The following CBLB variants were observed in gnomAD, a reference collection of about 807,000 sequenced individuals.
The protein encoded by CBLB is Cbl proto-oncogene B.
CBLB carries 31 observed loss-of-function variants against 104.9 expected under a neutral mutation model. The observed-to-expected ratio is 0.30, with a 90% CI of 0.22 to 0.40. The LOEUF (loss-of-function observed/expected upper bound fraction) is 0.40, where lower values mean the gene tolerates loss of function less well. CBLB is among the 10% of genes least tolerant of loss of function. The pLI is 1.00. For synonymous variants in CBLB, 440 were observed against 422.6 expected, an observed-to-expected ratio of 1.04 and a Z score of -0.51; for missense variants, 1,062 against 1,214.6, an observed-to-expected ratio of 0.87 and a Z score of 1.87.
upstream of CBLB, chr3:105,869,301 A>C: frequency 9.2e-7 from 1 of 1,085,288 alleles, no homozygotes; most frequent in Non-Finnish European, 1.3e-6. Context: ...CGGGAAAGGA[A>C]ATGGACGAAG....
intron 3 of CBLB, among the ~76,000 whole-genome samples, chr3:105,805,006 T>C (rs1256044800): frequency 6.6e-6 from 1 of 152,162 alleles, no homozygotes; most frequent in African/African-American, 2.4e-5. Context: ...ACCACAGTAG[T>C]TGCTGTTTGA....
chr3:105,658,242 T>TAA lies in CBLB; in HGVS notation c.*726_*727dup. The TAA allele has an allele frequency of 4.6e-6, 1 of 217,456 alleles. No homozygotes were observed. Among genetic ancestry groups the TAA allele is most frequent in the Middle Eastern group, 1.5e-3 (1 of 676 alleles). 13.5% of individuals were successfully genotyped at this position (217,456 alleles called of 1,614,324 possible). A position where few individuals can be genotyped will look rare whatever the true frequency, so the allele number is the denominator to read the frequency against. ...ATGGAGGATTAAAGGTTACAAAACT[T>TAA]AAACAAAAAAGGGAAGCTCCTCTAT... On this transcript the variant is annotated 3_prime_UTR_variant, in exon 19 of 19. Coordinates refer to ENST00000394030, the MANE Select transcript of CBLB (RefSeq NM_170662.5).
intron 4 of CBLB, among the ~76,000 whole-genome samples, chr3:105,769,005 T>C (rs6773661): frequency 0.25 from 38,616 of 152,128 alleles, 5,135 homozygotes; most frequent in Non-Finnish European, 0.28. Context: ...TATGCAATTA[T>C]TCATGTAGTC....
At chr3:105,845,269 A>T (rs1190528314) in intron 3 of CBLB, among the ~76,000 whole-genome samples, 1 of 151,942 alleles carries the variant, frequency 6.6e-6, no homozygotes, top group African/African-American at 2.4e-5. Flanking sequence ...TCCAAATATC[A>T]TATGTGCATA....
At chr3:105,755,016 CTTTTTTTT>C (rs67405809) in intron 4 of CBLB, among the ~76,000 whole-genome samples, 12 of 143,894 alleles carry the variant, frequency 8.3e-5, no homozygotes, top group East Asian at 2.2e-4. Context: ...AGTATCTTTT[CTTTTTTTT>C]TTTTTTTTTT....
chr3:105,761,031 T>C (rs1365888777), intron 4 of CBLB, among the ~76,000 whole-genome samples: 1 of 152,162 alleles, frequency 6.6e-6, no homozygotes, highest in African/African-American at 2.4e-5. Context: ...TTGTTTTTGT[T>C]TTTCATTTCA....
intron 3 of CBLB, among the ~76,000 whole-genome samples, chr3:105,791,476 T>C (rs1448344415): frequency 1.3e-5 from 2 of 151,630 alleles, no homozygotes; most frequent in African/African-American, 4.9e-5. Flanking sequence ...TGAGCGAATA[T>C]GGCAAACTCA....
intron 5 of CBLB, among the ~76,000 whole-genome samples, chr3:105,748,627 T>G (rs1576845083): frequency 6.6e-6 from 1 of 152,018 alleles, no homozygotes; most frequent in Admixed American, 6.6e-5. Flanking sequence ...CTAAGTGACT[T>G]TGAGAGAAAA....
chr3:105,810,349 T>C (rs1205158140), intron 3 of CBLB, among the ~76,000 whole-genome samples: 1 of 152,174 alleles, frequency 6.6e-6, no homozygotes, highest in African/African-American at 2.4e-5. Flanking sequence ...TGGTAAAAAA[T>C]TAAAATACCT....
intron 8 of CBLB, among the ~76,000 whole-genome samples, chr3:105,736,946 T>C (rs2075016493): frequency 1.3e-5 from 2 of 152,080 alleles, no homozygotes; most frequent in African/African-American, 2.4e-5. Flanking sequence ...ATTTCCCCCA[T>C]ATAAATGCCA....
intron 17 of CBLB, among the ~76,000 whole-genome samples, chr3:105,676,176 C>A (rs1475693158): frequency 6.6e-6 from 1 of 151,566 alleles, no homozygotes; most frequent in African/African-American, 2.4e-5. Context: ...GGCAGCCAAG[C>A]AAACACAAAA....
chr3:105,660,963 CTTCT>C (rs1474058836), intron 18 of CBLB, among the ~76,000 whole-genome samples: 4 of 128,976 alleles, frequency 3.1e-5, no homozygotes, highest in Admixed American at 8.7e-5. Flanking sequence ...AGGATGTCTT[CTTCT>C]TTTTTTTTTT....
intron 12 of CBLB, among the ~76,000 whole-genome samples, chr3:105,700,351 GA>G (rs1434452180): frequency 6.6e-6 from 1 of 151,704 alleles, no homozygotes; most frequent in Non-Finnish European, 1.5e-5. Flanking sequence ...AAGTATTTTT[GA>G]AGTCCGTTTA....
chr3:105,775,495 T>C (rs950772202), intron 4 of CBLB, among the ~76,000 whole-genome samples: 2 of 152,230 alleles, frequency 1.3e-5, no homozygotes, highest in African/African-American at 2.4e-5. Context: ...ATACAGACCT[T>C]TGAGACAAGA....
At chr3:105,737,103 G>A in intron 8 of CBLB, 68 bp downstream of exon 8, 1 of 739,728 alleles carries the variant, frequency 1.4e-6, no homozygotes. Flanking sequence ...TACACTAAGA[G>A]AGTCTTATTT....
chr3:105,755,384 G>T (rs1457981053), intron 4 of CBLB, among the ~76,000 whole-genome samples: 1 of 152,036 alleles, frequency 6.6e-6, no homozygotes, highest in Non-Finnish European at 1.5e-5. Flanking sequence ...AATCTTCCAG[G>T]CTTGTTTTCT....
intron 9 of CBLB, among the ~76,000 whole-genome samples, chr3:105,731,129 G>A (rs2074266599): frequency 1.3e-5 from 2 of 152,208 alleles, no homozygotes; most frequent in Non-Finnish European, 1.5e-5. Context: ...TTTGGAGAAT[G>A]CACAGTAACA....
intron 3 of CBLB, among the ~76,000 whole-genome samples, chr3:105,790,555 A>G (rs1159945375): frequency 1.3e-5 from 2 of 152,244 alleles, no homozygotes. Context: ...TAATGGAAAT[A>G]TAAGATAAAG....
chr3:105,807,544 A>C (rs1372958154), intron 3 of CBLB, among the ~76,000 whole-genome samples: 2 of 152,220 alleles, frequency 1.3e-5, no homozygotes, highest in Admixed American at 1.3e-4. Context: ...TCAGAGAAAC[A>C]CATATAATTT....
Sources: allele counts gnomAD v4.1 joint callset (sites outside exome capture counted in the v4.1 genomes callset), GRCh38; gene constraint gnomAD v4.1.1; transcripts MANE v1.5; gene names NCBI Gene and HGNC (gene_info 2026-07-23, HGNC 2026-07-21).